Variants in MAF observed in about 807,000 individuals in gnomAD.
MAF encodes transcription factor Maf.
MAF carries 10 observed loss-of-function variants against 22.0 expected under a neutral mutation model. That is an observed-to-expected ratio of 0.45 (90% CI 0.28 to 0.77). The LOEUF is 0.77. MAF is among the 30% of genes least tolerant of loss of function. The probability of loss-of-function intolerance (pLI) is 0.12; values close to 1 mark genes in which losing one functional copy is unlikely to be tolerated. For synonymous variants in MAF, 337 were observed against 255.8 expected (o/e 1.32, Z -3.03); for missense variants, 544 against 548.4 (o/e 0.99, Z 0.08).
At chr16:79,589,223 C>T (rs148940665), downstream of MAF, among the ~76,000 whole-genome samples, 1,115 of 152,244 alleles carry the variant, frequency 7.3e-3, 6 homozygotes, top group Middle Eastern at 0.027. Context: ...AAAAGTCTGT[C>T]CTCTTGAGAC....
the MAF span, among the ~76,000 whole-genome samples, chr16:79,239,533 C>T: frequency 6.6e-6 from 1 of 152,000 alleles, no homozygotes; most frequent in Non-Finnish European, 1.5e-5. Flanking sequence ...AAGTGAATTC[C>T]AGACTTTCCA....
chr16:79,428,566 G>A, the MAF span, among the ~76,000 whole-genome samples: 1 of 152,098 alleles, frequency 6.6e-6, no homozygotes, highest in Non-Finnish European at 1.5e-5. Context: ...GGGACAGGGT[G>A]CAGTGGCTCA....
chr16:79,305,570 G>A, the MAF span, among the ~76,000 whole-genome samples: 1 of 152,154 alleles, frequency 6.6e-6, no homozygotes, highest in African/African-American at 2.4e-5. Flanking sequence ...TGGTCATGGG[G>A]AGGGGCTGCA....
At chr16:79,392,123 G>C in the MAF span, among the ~76,000 whole-genome samples, 7 of 147,706 alleles carry the variant, frequency 4.7e-5, no homozygotes, top group Non-Finnish European at 7.5e-5. Context: ...GGAAAGAGAA[G>C]AAGAGAGGGA....
At chr16:79,515,461 C>T in the MAF span, among the ~76,000 whole-genome samples, 127,130 of 152,042 alleles carry the variant, frequency 0.84, 53,433 homozygotes, top group East Asian at 0.92. Flanking sequence ...CACTTTATTA[C>T]AAAACAGACT....
chr16:79,356,708 T>A, the MAF span, among the ~76,000 whole-genome samples: 2 of 152,184 alleles, frequency 1.3e-5, no homozygotes, highest in Admixed American at 6.5e-5. Context: ...TTAGTTATTA[T>A]GTTTGCAGGG....
the MAF span, among the ~76,000 whole-genome samples, chr16:79,229,148 C>T: frequency 3.3e-5 from 5 of 151,646 alleles, no homozygotes; most frequent in South Asian, 1.0e-3. Flanking sequence ...CCCCCCCCAA[C>T]ACCCAGGTCA....
the MAF span, among the ~76,000 whole-genome samples, chr16:79,507,177 G>A: frequency 1.3e-5 from 2 of 149,546 alleles, no homozygotes; most frequent in African/African-American, 2.5e-5. Context: ...GCAGGGGCGT[G>A]ATCTCGGCCC....
chr16:79,480,638 G>A, the MAF span, among the ~76,000 whole-genome samples: 1 of 152,150 alleles, frequency 6.6e-6, no homozygotes, highest in South Asian at 2.1e-4. Context: ...GTTGGGGAGA[G>A]GTATCTCTAT....
At chr16:79,265,489 T>G in the MAF span, among the ~76,000 whole-genome samples, 8 of 139,856 alleles carry the variant, frequency 5.7e-5, no homozygotes, top group South Asian at 1.8e-3. Flanking sequence ...TACGATATGT[T>G]CCAAGACCTC....
At chr16:79,357,124 C>T in the MAF span, among the ~76,000 whole-genome samples, 108 of 152,266 alleles carry the variant, frequency 7.1e-4, no homozygotes, top group African/African-American at 2.5e-3. Context: ...GATGCAGTGG[C>T]ATGCGCCTAC....
chr16:79,422,505 A>G, the MAF span, among the ~76,000 whole-genome samples: 18 of 152,300 alleles, frequency 1.2e-4, no homozygotes, highest in East Asian at 3.5e-3. Context: ...AGCCAGTCAT[A>G]GAGATTCAAT....
the MAF span, among the ~76,000 whole-genome samples, chr16:79,249,859 T>C: frequency 1.3e-5 from 2 of 152,152 alleles, no homozygotes; most frequent in Non-Finnish European, 2.9e-5. Flanking sequence ...TTTATATTCC[T>C]TGAGTCTGTA....
chr16:79,303,283 A>T, the MAF span, among the ~76,000 whole-genome samples: 437 of 152,344 alleles, frequency 2.9e-3, 1 homozygote, highest in African/African-American at 0.01. Flanking sequence ...ATTAACCATG[A>T]TAGATATGTT....
the MAF span, among the ~76,000 whole-genome samples, chr16:79,357,253 C>CACAACAACAACA: frequency 1.6e-4 from 24 of 146,078 alleles, no homozygotes; most frequent in East Asian, 1.2e-3. Context: ...AAGACTCTGT[C>CACAACAACAACA]ACAACAACAA....
At chr16:79,396,534 T>A in the MAF span, among the ~76,000 whole-genome samples, 1 of 152,174 alleles carries the variant, frequency 6.6e-6, no homozygotes, top group African/African-American at 2.4e-5. Flanking sequence ...CATTGTGTGG[T>A]TAAATATGAG....
chr16:79,455,108 A>AG, the MAF span, among the ~76,000 whole-genome samples: 1 of 151,982 alleles, frequency 6.6e-6, no homozygotes, highest in African/African-American at 2.4e-5. Context: ...AAAAAAAAAA[A>AG]AAAGAAAGAA....
the MAF span, among the ~76,000 whole-genome samples, chr16:79,546,316 G>A: frequency 1.3e-5 from 2 of 151,746 alleles, no homozygotes; most frequent in African/African-American, 2.4e-5. Context: ...TTTTCAGAGT[G>A]GGATATTATA....
At chr16:79,361,506 C>T in the MAF span, among the ~76,000 whole-genome samples, 65 of 152,246 alleles carry the variant, frequency 4.3e-4, no homozygotes, top group African/African-American at 1.5e-3. Flanking sequence ...CACTTTCCCC[C>T]GGATTGAATG....
Sources: gnomAD v4.1 joint callset for allele counts (sites outside exome capture counted in the v4.1 genomes callset) on GRCh38, gnomAD v4.1.1 for gene constraint, MANE v1.5 for transcripts, NCBI Gene and HGNC (gene_info 2026-07-23, HGNC 2026-07-21) for gene names.